The following TENM2 variants were observed in gnomAD, a reference collection of about 807,000 sequenced individuals.
TENM2 encodes the protein teneurin-2.
TENM2 carries 52 observed loss-of-function variants against 245.2 expected under a neutral mutation model. The ratio of observed to expected loss-of-function variants is 0.21; its 90% CI spans 0.17 to 0.27. The LOEUF (loss-of-function observed/expected upper bound fraction) is 0.27. TENM2 is among the 10% of genes least tolerant of loss of function. TENM2 has a pLI of 1.00. For synonymous variants in TENM2, 1,363 were observed against 1,438.9 expected, an observed-to-expected ratio of 0.95 and a Z score of 1.19; for missense variants, 3,046 against 3,666.8, an observed-to-expected ratio of 0.83 and a Z score of 4.37.
intron 2 of TENM2, among the ~76,000 whole-genome samples, chr5:167,787,470 G>C (rs1196608394): frequency 6.6e-6 from 1 of 152,160 alleles, no homozygotes; most frequent in Non-Finnish European, 1.5e-5. Context: ...TACATTCTTT[G>C]ACTCCATGTA....
chr5:167,925,231 T>A (rs1473872787), intron 3 of TENM2, among the ~76,000 whole-genome samples: 1 of 152,174 alleles, frequency 6.6e-6, no homozygotes, highest in Non-Finnish European at 1.5e-5. Flanking sequence ...ACAGCATGGA[T>A]CAACCTCAAA....
chr5:167,161,767 A>T, the TENM2 span, among the ~76,000 whole-genome samples: 4 of 152,198 alleles, frequency 2.6e-5, no homozygotes, highest in African/African-American at 9.6e-5. Context: ...AATTTCACAT[A>T]TGGTCGATCT....
exon 17 of TENM2, chr5:168,199,881 C>T (rs374408633): frequency 1.4e-5 from 22 of 1,613,578 alleles, no homozygotes; most frequent in South Asian, 2.2e-5. Flanking sequence ...ATGAAGAAAT[C>T]GAGCTCCCTG....
chr5:167,875,375 A>G (rs1773332855), intron 2 of TENM2, among the ~76,000 whole-genome samples: 1 of 152,158 alleles, frequency 6.6e-6, no homozygotes, highest in African/African-American at 2.4e-5. Flanking sequence ...CATATTGGCT[A>G]GAGAATAAGG....
At chr5:168,229,624 C>T (rs911818653) in intron 25 of TENM2, 8 of 152,162 alleles carry the variant, frequency 5.3e-5, no homozygotes, top group African/African-American at 1.9e-4. Context: ...GCTTTGGAAT[C>T]CCTGAGAGTA....
intron 14 of TENM2, among the ~76,000 whole-genome samples, chr5:168,194,614 T>C (rs1761229927): frequency 6.6e-6 from 1 of 152,162 alleles, no homozygotes; most frequent in African/African-American, 2.4e-5. Flanking sequence ...GGTTTTGCTA[T>C]ATATATCTCC....
At chr5:167,764,780 G>C (rs558409155) in intron 2 of TENM2, among the ~76,000 whole-genome samples, 2 of 152,048 alleles carry the variant, frequency 1.3e-5, no homozygotes, top group South Asian at 4.2e-4. Context: ...ACTTGCCCAC[G>C]GGGAGCTCTC....
intron 1 of TENM2, among the ~76,000 whole-genome samples, chr5:167,367,283 A>C (rs2127286751): frequency 6.6e-6 from 1 of 152,346 alleles, no homozygotes; most frequent in African/African-American, 2.4e-5. Context: ...TATAGATTAA[A>C]ATAATGAGTC....
chr5:167,843,813 G>A (rs11134473), intron 2 of TENM2, among the ~76,000 whole-genome samples: 123,490 of 152,144 alleles, frequency 0.81, 50,820 homozygotes, highest in Middle Eastern at 0.85. Context: ...TATCACCAAA[G>A]TATTCTAAAA....
the TENM2 span, among the ~76,000 whole-genome samples, chr5:167,217,785 T>C: frequency 6.7e-6 from 1 of 149,060 alleles, no homozygotes; most frequent in South Asian, 2.1e-4. Context: ...GAAAGAGAGG[T>C]GAGTGGAGAA....
chr5:167,805,235 G>GTTTCATGTCTATCTGTTTTA (rs1766069101), intron 2 of TENM2, among the ~76,000 whole-genome samples: 1 of 150,726 alleles, frequency 6.6e-6, no homozygotes, highest in Non-Finnish European at 1.5e-5. Context: ...CCATTCAATT[G>GTTTCATGTCTATCTGTTTTA]TTTCATGTCT....
chr5:168,262,732 C>T (rs767321193), exon 29 of TENM2: 14 of 1,610,762 alleles, frequency 8.7e-6, no homozygotes, highest in East Asian at 4.5e-5. Context: ...ACGTGCTTCC[C>T]GTGGAGCAAT....
rs115263274 is a variant in TENM2, at chr5:168,213,882, A to G, written c.3846-1158A>G. Among the ~76,000 whole-genome samples, 704 of 152,326 alleles carry G rather than the reference A, an allele frequency of 4.6e-3. 3 individuals carry two copies. The highest frequency in any genetic ancestry group is 0.016 in the African/African-American group (668 of 41,568). On this transcript the variant is annotated intron_variant, in intron 20 of 28. Coordinates refer to ENST00000518659, the Ensembl canonical transcript of TENM2. Reference sequence around the variant, plus strand: ...GGGGCCTGTGCTCATTTCAAAACCTAGTCTACCACACTGAGGCAGAAAGGC... The same window carrying G: ...GGGGCCTGTGCTCATTTCAAAACCTGGTCTACCACACTGAGGCAGAAAGGC...
the TENM2 span, among the ~76,000 whole-genome samples, chr5:167,021,675 T>G: frequency 6.6e-6 from 1 of 152,238 alleles, no homozygotes; most frequent in Admixed American, 6.5e-5. Context: ...CTCAGTGTTC[T>G]GTAAAACTGA....
At chr5:167,102,189 A>G in the TENM2 span, among the ~76,000 whole-genome samples, 83,416 of 150,716 alleles carry the variant, frequency 0.55, 23,355 homozygotes, top group South Asian at 0.72. Context: ...TTGTGCCACT[A>G]CACTCCAGCC....
At chr5:168,117,029 A>G (rs992936403) in intron 9 of TENM2, among the ~76,000 whole-genome samples, 2 of 152,228 alleles carry the variant, frequency 1.3e-5, no homozygotes, top group Non-Finnish European at 2.9e-5. Flanking sequence ...TAGGCTCTTT[A>G]CAAACTGATG....
At chr5:167,740,554 C>T (rs1407728081) in intron 2 of TENM2, among the ~76,000 whole-genome samples, 1 of 152,064 alleles carries the variant, frequency 6.6e-6, no homozygotes, top group East Asian at 1.9e-4. Flanking sequence ...ATGGCTCAGC[C>T]GATCTTTGAG....
At chr5:168,226,145 T>A in exon 24 of TENM2, 1 of 1,613,744 alleles carries the variant, frequency 6.2e-7, no homozygotes. Flanking sequence ...TGGTAACCAG[T>A]CTGCACCGGG....
At chr5:167,992,182 T>C (rs1429134063) in intron 4 of TENM2, among the ~76,000 whole-genome samples, 1 of 152,082 alleles carries the variant, frequency 6.6e-6, no homozygotes, top group East Asian at 1.9e-4. Flanking sequence ...ACTGCTCTGA[T>C]GACAGGTGGA....
Sources: gnomAD v4.1 joint callset for allele counts (sites outside exome capture counted in the v4.1 genomes callset) on GRCh38, gnomAD v4.1.1 for gene constraint, MANE v1.5 for transcripts, NCBI Gene and HGNC (gene_info 2026-07-23, HGNC 2026-07-21) for gene names.